TLCD3B: variants seen among roughly 807,000 people sequenced by gnomAD.
The protein encoded by TLCD3B is TLC domain containing 3B, also known as ceramide synthase.
A neutral mutation model predicts 23.0 loss-of-function variants in TLCD3B; 9 were observed. The observed-to-expected ratio is 0.39, with a 90% CI of 0.24 to 0.68. TLCD3B has a LOEUF of 0.68. Ranked by LOEUF, TLCD3B falls within the 30% of genes least tolerant of loss-of-function variation. The pLI is 0.44. For missense variants in TLCD3B, 307 were observed against 371.8 expected (o/e 0.83, Z 1.43); for synonymous variants, 161 against 161.0 (o/e 1.00, Z 0.00).
chr16:30,045,713 TG>T (rs1488179505), intron 2 of TLCD3B, among the ~76,000 whole-genome samples: 1 of 149,702 alleles, frequency 6.7e-6, no homozygotes, highest in African/African-American at 2.5e-5. Flanking sequence ...GTGTGTTGTG[TG>T]TGTTTGTGTG....
chr16:30,025,592 G>T lies in TLCD3B; in HGVS notation c.541-125C>A. On this transcript the variant is annotated intron_variant, in intron 4 of 4. Coordinates refer to ENST00000380495, the MANE Select transcript of TLCD3B (RefSeq NM_031478.6). The surrounding 1 kb of genome is among the most constrained non-coding windows in gnomAD (Gnocchi z 4.1). ...AACCAGACACTTTGCCAGGACACAAGCACCAGGTGCTCAAAATGCACGGGG... is the reference window on the plus strand; with the variant it reads ...AACCAGACACTTTGCCAGGACACAATCACCAGGTGCTCAAAATGCACGGGG... 2 of 1,486,776 alleles carry T rather than the reference G, an allele frequency of 1.3e-6. No homozygotes were observed. The highest frequency in any genetic ancestry group is 1.9e-6 in the Non-Finnish European group (2 of 1,068,232). The allele number at this position is 1,486,776 out of a possible 1,614,324, so 92.1% of individuals were successfully genotyped here.
intron 2 of TLCD3B, 42 bp from the exon 3 acceptor site, chr16:30,026,885 G>A: frequency 6.5e-7 from 1 of 1,546,626 alleles, no homozygotes; most frequent in South Asian, 1.1e-5. Context: ...AGGAGGAAAG[G>A]GGACACCAGT....
At chr16:30,048,471 A>G (rs72791222) in intron 1 of TLCD3B, among the ~76,000 whole-genome samples, 4,255 of 152,210 alleles carry the variant, frequency 0.028, 93 homozygotes, top group Non-Finnish European at 0.043. Context: ...TTCTCAAATA[A>G]TCACAGAAAG....
At chr16:30,037,576 A>G (rs1244707073) in intron 3 of TLCD3B, among the ~76,000 whole-genome samples, 1 of 151,796 alleles carries the variant, frequency 6.6e-6, no homozygotes, top group Non-Finnish European at 1.5e-5. Context: ...GAAGAAGAAT[A>G]AAATAGTCCA....
Position 30,026,591 on chromosome 16 carries a change from C to T in TLCD3B, c.444+18G>A, listed in dbSNP as rs1596736137. ...GCAGGCCACCCGCACCCCGCCCGCC[C>T]AGCTCCCCGGGACTCACCACTGAGA... On this transcript the variant is annotated intron_variant, in intron 3 of 4. Coordinates refer to ENST00000380495, the MANE Select transcript of TLCD3B (RefSeq NM_031478.6). 2 of 1,605,912 alleles carry T rather than the reference C, an allele frequency of 1.2e-6. No homozygotes were observed. Among genetic ancestry groups the T allele is most frequent in the Non-Finnish European group, 1.7e-6 (2 of 1,174,350 alleles).
chr16:30,044,240 G>A (rs1449480481), intron 2 of TLCD3B, among the ~76,000 whole-genome samples: 1 of 151,884 alleles, frequency 6.6e-6, no homozygotes, highest in Non-Finnish European at 1.5e-5. Context: ...CAAGTGATCT[G>A]CCTGCCTCAC....
intron 1 of TLCD3B, among the ~76,000 whole-genome samples, chr16:30,049,010 G>T (rs983534418): frequency 2.2e-4 from 34 of 152,002 alleles, no homozygotes. Flanking sequence ...ACCTCAGGTG[G>T]TCCGCCTGCC....
At chr16:30,030,274 T>C (rs1596749140) in intron 1 of TLCD3B, 129 bp downstream of exon 1, 1 of 1,167,544 alleles carries the variant, frequency 8.6e-7, no homozygotes, top group Admixed American at 2.2e-5. Context: ...AGCCTGGGGG[T>C]AAAGCCCCGG....
chr16:30,040,147 A>AAAAAAATATATAT, intron 3 of TLCD3B, among the ~76,000 whole-genome samples: 6 of 95,898 alleles, frequency 6.3e-5, no homozygotes, highest in African/African-American at 2.2e-4. Context: ...AAAAAAAAAA[A>AAAAAAATATATAT]ATATATATAT....
chr16:30,039,778 G>C (rs2071543724), intron 3 of TLCD3B, among the ~76,000 whole-genome samples: 2 of 151,880 alleles, frequency 1.3e-5, no homozygotes, highest in Non-Finnish European at 2.9e-5. Context: ...TGCTCGGCCA[G>C]TGTTTGCTTC....
intron 3 of TLCD3B, among the ~76,000 whole-genome samples, chr16:30,039,110 T>TAA (rs2071532527): frequency 2.2e-5 from 3 of 135,782 alleles, no homozygotes; most frequent in Non-Finnish European, 3.2e-5. Context: ...TCTCTTTTTT[T>TAA]TTTTTTTTTT....
Position 30,040,147 on chromosome 16 carries a change from A to AAAAAAATAT in TLCD3B, c.-67+847_-67+848insATATTTTTT. Among the ~76,000 whole-genome samples, 461 of 95,864 alleles carry AAAAAAATAT rather than the reference A, an allele frequency of 4.8e-3. 6 individuals are homozygous for AAAAAAATAT. The highest frequency in any genetic ancestry group is 7.0e-3 in the Non-Finnish European group (345 of 49,554). 62.9% of individuals were successfully genotyped at this position (95,864 alleles called of 152,430 possible). On this transcript the variant is annotated intron_variant, in intron 3 of 6. Coordinates refer to the TLCD3B transcript ENST00000561666. ...AGACTTTGTCTCAAAAAAAAAAAAAAATATATATATATATATATATATATG... is the reference window on the plus strand; with the variant it reads ...AGACTTTGTCTCAAAAAAAAAAAAAAAAAAAATATATATATATATATATATATATATATG...
chr16:30,027,822 C>T (rs1263343038), intron 2 of TLCD3B: 8 of 367,246 alleles, frequency 2.2e-5, no homozygotes, highest in African/African-American at 4.2e-5. Flanking sequence ...CTGGGGTGCT[C>T]GCCCCACAAG....
Position 30,030,416 on chromosome 16 carries a change from T to C in TLCD3B, c.112A>G (p.Ile38Val). Reference sequence around the variant, plus strand: ...AAAGTGGTTTACCTGGCTGAGACAATGACTGCGTCGGCCTCCTCCCAGCGT... The same window carrying C: ...AAAGTGGTTTACCTGGCTGAGACAACGACTGCGTCGGCCTCCTCCCAGCGT... ...QLRWEEADAV[I>V]VSARLVSSVQ... Residue 38 changes from isoleucine to valine, a missense_variant, in exon 1 of 5, where the codon ATT becomes GTT. By Grantham distance (29) the Ile-to-Val change is conservative. Coordinates refer to ENST00000380495, the MANE Select transcript of TLCD3B (RefSeq NM_031478.6). 6.3e-7 allele frequency: 1 copy of C among 1,585,588 alleles called. No homozygotes were observed. Among genetic ancestry groups the C allele is most frequent in the Non-Finnish European group, 8.6e-7 (1 of 1,168,776 alleles).
rs144426519 is a variant in TLCD3B at position 30,024,550 on chromosome 16, G to A, written c.*633C>T. 543 of 406,858 alleles carry A rather than the reference G, an allele frequency of 1.3e-3. 1 individual carries two copies. Among genetic ancestry groups the A allele is most frequent in the African/African-American group, 0.01 (499 of 49,692 alleles). The allele number at this position is 406,858 out of a possible 1,614,324, so 25.2% of individuals were successfully genotyped here. On this transcript the variant is annotated 3_prime_UTR_variant, in exon 5 of 5. Transcript: ENST00000380495. ...CAGGGACATGGCAGGGCCCGAGGGC[G>A]CGATGTGCAGCCGATGGTGAGGGAC...
chr16:30,042,248 T>A (rs2071590111), intron 2 of TLCD3B, among the ~76,000 whole-genome samples: 1 of 152,052 alleles, frequency 6.6e-6, no homozygotes, highest in African/African-American at 2.4e-5. Context: ...TATTTTATTT[T>A]ATTTTTTTCA....
chr16:30,042,903 C>A (rs1306843690), intron 2 of TLCD3B, among the ~76,000 whole-genome samples: 1 of 151,950 alleles, frequency 6.6e-6, no homozygotes, highest in African/African-American at 2.4e-5. Context: ...TTGAGACCAG[C>A]CTGACCAACA....
intron 3 of TLCD3B, among the ~76,000 whole-genome samples, chr16:30,037,143 C>G (rs970636555): frequency 6.6e-6 from 1 of 151,368 alleles, no homozygotes; most frequent in African/African-American, 2.4e-5. Flanking sequence ...TGCAGTGGTT[C>G]AGGCTGGAAT....
chr16:30,043,946 C>T (rs1364029089), intron 2 of TLCD3B, among the ~76,000 whole-genome samples: 3 of 151,302 alleles, frequency 2.0e-5, no homozygotes, highest in Non-Finnish European at 4.4e-5. Context: ...CCTCCTGCCT[C>T]GGCCTCACAA....
Sources: allele counts gnomAD v4.1 joint callset (sites outside exome capture counted in the v4.1 genomes callset), GRCh38; gene constraint gnomAD v4.1.1; non-coding constraint Gnocchi (gnomAD v3.1); transcripts MANE v1.5; gene names NCBI Gene and HGNC (gene_info 2026-07-23, HGNC 2026-07-21).